Variants in DGKD observed in about 807,000 individuals in gnomAD.
DGKD encodes DAG kinase delta.
Under a neutral mutation model 154.4 loss-of-function variants are expected in DGKD, and 68 were observed. The observed-to-expected ratio is 0.44, with a 90% confidence interval of 0.36 to 0.54. The LOEUF (loss-of-function observed/expected upper bound fraction) is 0.54. Among genes scored for constraint, DGKD ranks in the 20% least tolerant of loss-of-function variants. The probability of loss-of-function intolerance (pLI) is 0.00; values close to 1 mark genes in which losing one functional copy is unlikely to be tolerated. For synonymous variants in DGKD, 693 were observed against 638.0 expected (o/e 1.09, Z -1.30); for missense variants, 1,343 against 1,593.6 (o/e 0.84, Z 2.68).
intron 3 of DGKD, among the ~76,000 whole-genome samples, chr2:233,428,015 G>A (rs1040847379): frequency 6.6e-6 from 1 of 152,164 alleles, no homozygotes; most frequent in East Asian, 1.9e-4. Flanking sequence ...TCAAGGGATT[G>A]AATAGGAAGT....
intron 27 of DGKD, among the ~76,000 whole-genome samples, chr2:233,466,059 A>G (rs963031773): frequency 2.0e-5 from 3 of 152,182 alleles, no homozygotes; most frequent in Admixed American, 1.3e-4. Flanking sequence ...TGTGCCAAAT[A>G]ATAAGCATCT....
At position 233,434,406 on chromosome 2, in the gene DGKD, C is replaced by T. The variant is rs746029609; in HGVS notation, c.375C>T (p.Ile125=). 2 of 1,614,164 alleles carry T rather than the reference C, an allele frequency of 1.2e-6. No individual in the cohort carries two copies. Among genetic ancestry groups the T allele is most frequent in the South Asian group, 1.1e-5 (1 of 91,088 alleles). The change falls in exon 4 of 30, where the codon ATC becomes ATT. Residue 125 remains isoleucine (I), a synonymous_variant. Transcript: ENST00000264057. ...TCATAACTCCATGCAGGAAGCTCAT[C>T]TTGTGTGCTGATAACAGAAAAGAAA... ...FTVITPCRKL[I]LCADNRKEME...
intron 1 of DGKD, among the ~76,000 whole-genome samples, chr2:233,360,644 C>T (rs1199605227): frequency 6.6e-6 from 1 of 152,160 alleles, no homozygotes; most frequent in Non-Finnish European, 1.5e-5. Context: ...CTGCTTCAGG[C>T]TTCTGAGTAG....
intron 18 of DGKD, chr2:233,454,553 G>A (rs2063394686): frequency 1.8e-6 from 1 of 551,840 alleles, no homozygotes; most frequent in African/African-American, 1.9e-5. Context: ...ATCTAGTGAT[G>A]GTTAAATGAC....
At position 233,458,718 on chromosome 2, in the gene DGKD, T is replaced by G. The variant is rs1254501863; in HGVS notation, c.2694+321T>G. ...CCTCCACCTCCCTGGTTCAAGTGAT[T>G]CTCCCGCCTCAGCCTTCCGAGTAGC... On this transcript the variant is annotated intron_variant, in intron 22 of 29. Transcript: ENST00000264057. The surrounding 1 kb of genome is among the most constrained non-coding windows in gnomAD (Gnocchi z 6.6). Among the ~76,000 whole-genome samples, 1 of 151,876 alleles carries G rather than the reference T, an allele frequency of 6.6e-6. No individual in the cohort carries two copies. The highest frequency in any genetic ancestry group is 1.5e-5 in the Non-Finnish European group (1 of 67,966).
chr2:233,468,362 C>T, intron 28 of DGKD, 61 bp from the exon 29 acceptor site: 1 of 1,590,326 alleles, frequency 6.3e-7, no homozygotes, highest in South Asian at 1.1e-5. Flanking sequence ...GTGCCAGCTG[C>T]TGCCTACCTT....
rs578010807 is a variant in DGKD, at chr2:233,389,289, C to A, written c.267+922C>A. Reference sequence around the variant, plus strand: ...GTAGGTAGATTTAAAGCTAGAAGCACCAGGTGGGTGCTGCTGGAGGAGGAG... The same window carrying A: ...GTAGGTAGATTTAAAGCTAGAAGCAACAGGTGGGTGCTGCTGGAGGAGGAG... On this transcript the variant is annotated intron_variant, in intron 2 of 29. Transcript: ENST00000264057. 4.6e-5 allele frequency among the ~76,000 whole-genome samples: 7 copies of A among 152,260 alleles called. No homozygotes were observed. The South Asian group carries it at 1.5e-3, about 32-fold the overall frequency.
chr2:233,354,735 G>A lies in DGKD; in HGVS notation c.156+61G>A. ...CTCACGCCGCGGCAGCCCCGGCCGAGGCCCGTGGCCCTGCCCGAGCGGCCG... is the reference window on the plus strand; with the variant it reads ...CTCACGCCGCGGCAGCCCCGGCCGAAGCCCGTGGCCCTGCCCGAGCGGCCG... On this transcript the variant is annotated intron_variant, in intron 1 of 29. Coordinates refer to ENST00000264057, the MANE Select transcript of DGKD (RefSeq NM_152879.3). This position sits in a 1 kb window ranked among gnomAD's most constrained non-coding sequence, Gnocchi z 4.8. 1 of 946,860 alleles carries A rather than the reference G, an allele frequency of 1.1e-6. No individual in the cohort carries two copies. The highest frequency in any genetic ancestry group is 4.7e-5 in the South Asian group (1 of 21,252). The allele number at this position is 946,860 out of a possible 1,614,324, so 58.7% of individuals were successfully genotyped here.
intron 1 of DGKD, among the ~76,000 whole-genome samples, chr2:233,375,150 G>A (rs1483965627): frequency 6.6e-6 from 1 of 152,120 alleles, no homozygotes; most frequent in Non-Finnish European, 1.5e-5. Context: ...AATTGGCCAG[G>A]CGTGATGGCA....
In DGKD at chr2:233,458,524, C is replaced by A. The variant is rs2063528340; in HGVS notation, c.2694+127C>A. On this transcript the variant is annotated intron_variant, in intron 22 of 29. Transcript: ENST00000264057. The surrounding 1 kb of genome is among the most constrained non-coding windows in gnomAD (Gnocchi z 6.6). Reference sequence around the variant, plus strand: ...GCCATGTGGCTGCCTCATGTCCTGTCCTGGACAGCTCGTGGCCCCACTTCC... The same window carrying A: ...GCCATGTGGCTGCCTCATGTCCTGTACTGGACAGCTCGTGGCCCCACTTCC... 5.0e-6 allele frequency: 3 copies of A among 596,790 alleles called. No homozygotes were observed. The highest frequency in any genetic ancestry group is 8.7e-6 in the Non-Finnish European group (3 of 343,846). The allele number at this position is 596,790 out of a possible 1,614,324, so 37.0% of individuals were successfully genotyped here.
rs151287923 is a variant in DGKD at position 233,446,730 on chromosome 2, C to T, written c.1353C>T (p.Tyr451=). The T allele has an allele frequency of 3.5e-5, 57 of 1,613,986 alleles. No individual in the cohort carries two copies. The East Asian group carries it at 6.0e-4, about 17-fold the overall frequency. The change falls in exon 12 of 30, where the codon TAC becomes TAT. Residue 451 remains tyrosine, a synonymous_variant. Coordinates refer to ENST00000264057, the MANE Select transcript of DGKD (RefSeq NM_152879.3). The stretch of plus-strand genomic sequence containing the variant: ...TGTGCAGGTGGAGCGTCATGGCATA[C>T]GAGGCCAAGCTCCCCCGGCAGGCCT... ...KMLDRWSVMA[Y]EAKLPRQASS...
At chr2:233,365,560 A>G (rs559633692) in intron 1 of DGKD, among the ~76,000 whole-genome samples, 1 of 152,262 alleles carries the variant, frequency 6.6e-6, no homozygotes, top group South Asian at 2.1e-4. Flanking sequence ...ACTAAACTTG[A>G]CCTAATGGAA....
intron 18 of DGKD, 69 bp from the exon 19 acceptor site, chr2:233,454,694 G>T (rs2063399392): frequency 1.1e-6 from 1 of 883,358 alleles, no homozygotes; most frequent in Non-Finnish European, 1.8e-6. Flanking sequence ...GAAATGCTGA[G>T]AGGTTGGGAG....
At chr2:233,391,145 C>A (rs550409122) in intron 3 of DGKD, among the ~76,000 whole-genome samples, 1 of 152,012 alleles carries the variant, frequency 6.6e-6, no homozygotes, top group Non-Finnish European at 1.5e-5. Context: ...ATAACAGCCA[C>A]CTCAAAAAAC....
At chr2:233,428,036 A>G (rs1171576073) in intron 3 of DGKD, among the ~76,000 whole-genome samples, 3 of 152,136 alleles carry the variant, frequency 2.0e-5, no homozygotes, top group Non-Finnish European at 4.4e-5. Context: ...GCTGCTCAGA[A>G]CATCCCCCAG....
At position 233,454,880 on chromosome 2, in the gene DGKD, A is replaced by C. The variant is rs1336772554; in HGVS notation, c.2375+7A>C. The C allele has an allele frequency of 2.5e-6, 4 of 1,581,682 alleles. No homozygotes were observed. In the South Asian group the frequency reaches 4.4e-5, roughly 18 times the overall value. On this transcript the variant is annotated splice_region_variant and intron_variant, in intron 19 of 29. Transcript: ENST00000264057. Reference sequence around the variant, plus strand: ...AGCACCCAGAGAAGTGCAGGTAGGTAACAGGCTCAGGAGCACGTCTGTCTT... The same window carrying C: ...AGCACCCAGAGAAGTGCAGGTAGGTCACAGGCTCAGGAGCACGTCTGTCTT...
intron 12 of DGKD, chr2:233,447,523 A>C: frequency 1.0e-6 from 1 of 985,378 alleles, no homozygotes; most frequent in Non-Finnish European, 1.2e-6. Flanking sequence ...TTTTTAAAAA[A>C]AAATTTTTTT....
At chr2:233,392,674 AT>A (rs1465827008) in intron 3 of DGKD, among the ~76,000 whole-genome samples, 2 of 152,224 alleles carry the variant, frequency 1.3e-5, no homozygotes, top group Admixed American at 1.3e-4. Flanking sequence ...GAGAGAATTT[AT>A]TTTAAATTAT....
At chr2:233,431,026 G>A (rs1170640044) in intron 3 of DGKD, among the ~76,000 whole-genome samples, 1 of 152,186 alleles carries the variant, frequency 6.6e-6, no homozygotes, top group Non-Finnish European at 1.5e-5. Flanking sequence ...AATTGGAAAG[G>A]AAGAAGTCAG....
Sources: allele counts gnomAD v4.1 joint callset (sites outside exome capture counted in the v4.1 genomes callset), GRCh38; gene constraint gnomAD v4.1.1; non-coding constraint Gnocchi (gnomAD v3.1); transcripts MANE v1.5; gene names NCBI Gene and HGNC (gene_info 2026-07-23, HGNC 2026-07-21).